Variants in KCNQ5 observed in about 807,000 individuals in gnomAD.
KCNQ5 encodes the protein potassium voltage-gated channel subfamily Q member 5.
KCNQ5 carries 30 observed loss-of-function variants against 98.2 expected under a neutral mutation model. That is an observed-to-expected ratio of 0.31 (90% CI 0.23 to 0.41). The LOEUF (loss-of-function observed/expected upper bound fraction) is 0.41, where lower values mean the gene tolerates loss of function less well. Ranked by LOEUF, KCNQ5 falls within the 10% of genes least tolerant of loss-of-function variation. The pLI, the probability that KCNQ5 is intolerant of heterozygous loss-of-function variation, is 1.00. For synonymous variants in KCNQ5, 458 were observed against 449.4 expected, an observed-to-expected ratio of 1.02 and a Z score of -0.24; for missense variants, 835 against 1,182.5, an observed-to-expected ratio of 0.71 and a Z score of 4.31.
chr6:72,645,057 C>G (rs569229904), intron 1 of KCNQ5, among the ~76,000 whole-genome samples: 1 of 151,818 alleles, frequency 6.6e-6, no homozygotes, highest in Non-Finnish European at 1.5e-5. Context: ...ACTTTGGGTA[C>G]CTTTTGTCTG....
chr6:72,892,967 G>A (rs1415008226), intron 1 of KCNQ5, among the ~76,000 whole-genome samples: 1 of 152,120 alleles, frequency 6.6e-6, no homozygotes, highest in Non-Finnish European at 1.5e-5. Context: ...GGAAAAAATA[G>A]ACATATGGAC....
intron 10 of KCNQ5, among the ~76,000 whole-genome samples, chr6:73,161,973 A>G (rs1047711192): frequency 3.9e-5 from 6 of 151,966 alleles, no homozygotes; most frequent in African/African-American, 1.2e-4. Flanking sequence ...CTAGAGTGCA[A>G]TGGTGCGATC....
intron 1 of KCNQ5, among the ~76,000 whole-genome samples, chr6:72,714,536 G>T (rs1380174901): frequency 2.6e-5 from 4 of 152,048 alleles, no homozygotes; most frequent in African/African-American, 9.7e-5. Flanking sequence ...CTCTGATATG[G>T]CTTAGGAACA....
chr6:73,169,948 C>T (rs1777945226), intron 11 of KCNQ5, 94 bp downstream of exon 11: 1 of 780,932 alleles, frequency 1.3e-6, no homozygotes, highest in Admixed American at 2.0e-5. Context: ...GGTAAATATC[C>T]TGGAATAACC....
intron 1 of KCNQ5, among the ~76,000 whole-genome samples, chr6:72,872,503 C>T (rs1272974627): frequency 6.6e-6 from 1 of 152,058 alleles, no homozygotes; most frequent in Non-Finnish European, 1.5e-5. Flanking sequence ...TTTCTAAATG[C>T]CAGAAATTGT....
Position 72,622,081 on chromosome 6 carries a change from GGGC to G in KCNQ5, c.-107_-105del, listed in dbSNP as rs545964882. 1.0e-6 allele frequency: 1 copy of G among 968,260 alleles called. No homozygotes were observed. The highest frequency in any genetic ancestry group is 5.3e-5 in the South Asian group (1 of 18,876). 60.0% of individuals were successfully genotyped at this position (968,260 alleles called of 1,614,324 possible). ...CCCGGCTCAGAGGTCTCTGGCTGGC[GGGC>G]GCCCCGTCGGCCGCCGGCTTCCTCC... is the stretch of plus-strand genomic sequence containing the variant. On this transcript the variant is annotated 5_prime_UTR_variant, in exon 1 of 14. Transcript: ENST00000370398. The surrounding 1 kb of genome is among the most constrained non-coding windows in gnomAD (Gnocchi z 6.0).
intron 5 of KCNQ5, among the ~76,000 whole-genome samples, chr6:73,091,363 C>T (rs972794431): frequency 3.0e-4 from 45 of 151,986 alleles, no homozygotes; most frequent in Non-Finnish European, 5.7e-4. Context: ...AGGAGAAATA[C>T]CTAATGTAAA....
intron 1 of KCNQ5, among the ~76,000 whole-genome samples, chr6:72,975,412 G>A (rs991925882): frequency 1.3e-5 from 2 of 152,058 alleles, no homozygotes; most frequent in African/African-American, 2.4e-5. Flanking sequence ...AGTGTCCATC[G>A]CTTGCCAACT....
Position 72,736,502 on chromosome 6 carries a change from C to CTTTTTTTTTTT in KCNQ5, c.398+113920_398+113930dup, listed in dbSNP as rs752921476. On this transcript the variant is annotated intron_variant, in intron 1 of 13. Coordinates refer to ENST00000370398, the MANE Select transcript of KCNQ5 (RefSeq NM_019842.4). ...TATGCTTACATGTAAAAAAAGATTT[C>CTTTTTTTTTTT]TTTTTTTTTTTTTTTGAGACGGAGT... Among the ~76,000 whole-genome samples, 184 of 120,948 alleles carry CTTTTTTTTTTT rather than the reference C, an allele frequency of 1.5e-3. 4 individuals are homozygous for CTTTTTTTTTTT. The highest frequency in any genetic ancestry group is 3.9e-3 in the East Asian group (15 of 3,890). The allele number at this position is 120,948 out of a possible 152,430, so 79.3% of individuals were successfully genotyped here.
At chr6:73,036,168 CG>C (rs1005382879) in intron 2 of KCNQ5, among the ~76,000 whole-genome samples, 2 of 151,910 alleles carry the variant, frequency 1.3e-5, no homozygotes, top group African/African-American at 4.8e-5. Flanking sequence ...AGGCAGATCA[CG>C]AGGTCAGGAG....
chr6:72,945,297 C>T (rs1482772872), intron 1 of KCNQ5, among the ~76,000 whole-genome samples: 1 of 151,838 alleles, frequency 6.6e-6, no homozygotes, highest in East Asian at 1.9e-4. Flanking sequence ...TACATGTGCA[C>T]AACGTGCACG....
chr6:73,149,756 C>T (rs1335291071), intron 10 of KCNQ5, among the ~76,000 whole-genome samples: 4 of 147,492 alleles, frequency 2.7e-5, no homozygotes, highest in South Asian at 2.1e-4. Flanking sequence ...GAGATTGGGC[C>T]GCTGTACTCC....
At chr6:73,125,955 A>T (rs142900724) in intron 9 of KCNQ5, among the ~76,000 whole-genome samples, 2 of 152,210 alleles carry the variant, frequency 1.3e-5, no homozygotes, top group Non-Finnish European at 2.9e-5. Context: ...TAGATTCGGA[A>T]TAGTCTTTGC....
rs550882808 is a variant in KCNQ5 at position 72,765,693 on chromosome 6, T to C, written c.398+143106T>C. On this transcript the variant is annotated intron_variant, in intron 1 of 13. Transcript: ENST00000370398. Reference sequence around the variant, plus strand: ...GGCAGCTGATATCAACCTTCCTATATCACAGGTAAGCTGTTTAGATTATAT... The same window carrying C: ...GGCAGCTGATATCAACCTTCCTATACCACAGGTAAGCTGTTTAGATTATAT... 7.2e-5 allele frequency among the ~76,000 whole-genome samples: 11 copies of C among 152,136 alleles called. No homozygotes were observed. The East Asian group carries it at 1.9e-3, about 27-fold the overall frequency.
In KCNQ5 at chr6:72,980,244, T is replaced by C. The variant is rs144616689; in HGVS notation, c.399-23664T>C. Among the ~76,000 whole-genome samples, 333 of 152,368 alleles carry C rather than the reference T, an allele frequency of 2.2e-3. 1 individual carries two copies. The highest frequency in any genetic ancestry group is 7.4e-3 in the African/African-American group (307 of 41,584). On this transcript the variant is annotated intron_variant, in intron 1 of 13. Coordinates refer to ENST00000370398, the MANE Select transcript of KCNQ5 (RefSeq NM_019842.4). ...CACTGGTAGCTTAATGGGGATGGCA[T>C]TGAATCTATAAATTACCTTGGGCGG...
At chr6:72,852,748 A>T (rs1436214373) in intron 1 of KCNQ5, among the ~76,000 whole-genome samples, 1 of 148,968 alleles carries the variant, frequency 6.7e-6, no homozygotes, top group East Asian at 2.0e-4. Context: ...TAGGAATTTT[A>T]TGAGCCCATT....
At chr6:72,681,563 C>T (rs1482844617) in intron 1 of KCNQ5, among the ~76,000 whole-genome samples, 1 of 152,128 alleles carries the variant, frequency 6.6e-6, no homozygotes, top group Non-Finnish European at 1.5e-5. Context: ...GACATTAAAA[C>T]CATAGATGCT....
At chr6:73,179,866 A>G (rs1454055788) in intron 11 of KCNQ5, among the ~76,000 whole-genome samples, 1 of 152,172 alleles carries the variant, frequency 6.6e-6, no homozygotes, top group Non-Finnish European at 1.5e-5. Flanking sequence ...GTGAATTTTA[A>G]CTGTCTGCCT....
intron 1 of KCNQ5, among the ~76,000 whole-genome samples, chr6:72,730,964 A>T (rs1770525459): frequency 6.6e-6 from 1 of 152,054 alleles, no homozygotes; most frequent in Non-Finnish European, 1.5e-5. Flanking sequence ...TATGTATTTT[A>T]TGTCCCTTAG....
Sources: allele counts gnomAD v4.1 joint callset (sites outside exome capture counted in the v4.1 genomes callset), GRCh38; gene constraint gnomAD v4.1.1; non-coding constraint Gnocchi (gnomAD v3.1); transcripts MANE v1.5; gene names NCBI Gene and HGNC (gene_info 2026-07-23, HGNC 2026-07-21).